Variants in RNF135 observed in about 807,000 individuals in gnomAD.
RNF135 encodes the protein ring finger protein 135.
A neutral mutation model predicts 41.9 loss-of-function variants in RNF135; 46 were observed. That is an observed-to-expected ratio of 1.10 (90% CI 0.87 to 1.40). The LOEUF is 1.40. Among genes scored for constraint, RNF135 ranks in the 40% most tolerant of loss-of-function variants. The pLI, the probability that RNF135 is intolerant of heterozygous loss-of-function variation, is 0.00. For missense variants in RNF135, 539 were observed against 549.8 expected, an observed-to-expected ratio of 0.98 and a Z score of 0.20; for synonymous variants, 238 against 223.8, an observed-to-expected ratio of 1.06 and a Z score of -0.57.
intron 3 of RNF135, among the ~76,000 whole-genome samples, chr17:30,988,755 CTT>C (rs566490842): frequency 1.6e-5 from 2 of 127,276 alleles, no homozygotes; most frequent in South Asian, 2.6e-4. Context: ...ATGTCTTCTT[CTT>C]TTTTTTTTTT....
rs754748566 is a variant in RNF135 at position 30,998,845 on chromosome 17, A to C, written c.953A>C (p.Asp318Ala). The change falls in exon 5 of 5, where the codon GAC (aspartate) becomes GCC (alanine). Residue 318 changes from aspartate to alanine, a missense_variant. Physicochemically the swap from Asp to Ala is moderately radical, Grantham distance 126. Transcript: ENST00000328381. ...TCTGGAAAGCATTACTGGGAAGTGGACACTAGGAATTGCAGCCACTGGGCA... is the reference window on the plus strand; with the variant it reads ...TCTGGAAAGCATTACTGGGAAGTGGCCACTAGGAATTGCAGCCACTGGGCA... ...LSSGKHYWEV[D>A]TRNCSHWAVG... 2 of 1,613,162 alleles carry C rather than the reference A, an allele frequency of 1.2e-6. No homozygotes were observed. Among genetic ancestry groups the C allele is most frequent in the Admixed American group, 3.3e-5 (2 of 59,894 alleles).
chr17:30,975,988 A>G (rs551296007), intron 1 of RNF135: 2 of 371,792 alleles, frequency 5.4e-6, no homozygotes, highest in South Asian at 1.2e-4. Context: ...TGTAAAAAAA[A>G]ATAAATACTA....
intron 1 of RNF135, among the ~76,000 whole-genome samples, chr17:30,981,010 G>A (rs1907097966): frequency 2.7e-5 from 4 of 146,578 alleles, no homozygotes. Context: ...GCCAAGGCAG[G>A]CGGCTGGGAG....
chr17:30,970,363 G>C (rs773590227), upstream of RNF135: 3 of 152,164 alleles, frequency 2.0e-5, no homozygotes, highest in Non-Finnish European at 4.4e-5. Flanking sequence ...TGGGAAACGC[G>C]CTTACATCCC....
chr17:30,997,569 A>G, intron 4 of RNF135: 1 of 594,562 alleles, frequency 1.7e-6, no homozygotes, highest in Non-Finnish European at 3.3e-6. Context: ...CACCAACTAC[A>G]GCCAACTGCC....
chr17:30,969,759 CTTTTTT>C (rs757330088), upstream of RNF135, among the ~76,000 whole-genome samples: 1 of 122,616 alleles, frequency 8.2e-6, no homozygotes, highest in African/African-American at 2.8e-5. Context: ...TCTTTTTTTT[CTTTTTT>C]TTTTTTTTTT....
At chr17:30,966,795 G>A (rs949533203), upstream of RNF135, among the ~76,000 whole-genome samples, 8 of 151,464 alleles carry the variant, frequency 5.3e-5, no homozygotes, top group African/African-American at 9.7e-5. Flanking sequence ...GTGAGCCACC[G>A]CGCCCGACCT....
At chr17:30,997,052 C>T (rs1378361631) in intron 3 of RNF135, among the ~76,000 whole-genome samples, 190 bp from the exon 4 acceptor site, 3 of 152,196 alleles carry the variant, frequency 2.0e-5, no homozygotes, top group Non-Finnish European at 4.4e-5. Context: ...GAAAAGTCCA[C>T]AGTGAGAACA....
At chr17:30,981,731 C>T (rs995932066) in intron 1 of RNF135, among the ~76,000 whole-genome samples, 12 of 152,188 alleles carry the variant, frequency 7.9e-5, no homozygotes, top group Non-Finnish European at 1.0e-4. Flanking sequence ...AGGACTTGGG[C>T]GTTGTGATCT....
intron 1 of RNF135, chr17:30,971,756 A>T: frequency 2.4e-6 from 3 of 1,230,716 alleles, no homozygotes; most frequent in Non-Finnish European, 3.1e-6. Flanking sequence ...GGTAAGATCT[A>T]TATAACATTA....
intron 2 of RNF135, among the ~76,000 whole-genome samples, chr17:30,985,205 G>A (rs1907502030): frequency 6.6e-6 from 1 of 152,160 alleles, no homozygotes; most frequent in Non-Finnish European, 1.5e-5. Flanking sequence ...ATTAAATGCT[G>A]GAGTTCCTCA....
the RNF135 span, among the ~76,000 whole-genome samples, chr17:30,962,617 A>G: frequency 3.3e-5 from 5 of 151,910 alleles, no homozygotes; most frequent in African/African-American, 1.2e-4. Flanking sequence ...GGCGCCTGCT[A>G]CCACGCCCGG....
At chr17:30,983,511 A>G (rs1255706735) in intron 1 of RNF135, among the ~76,000 whole-genome samples, 2 of 150,766 alleles carry the variant, frequency 1.3e-5, no homozygotes. Flanking sequence ...CTGCAACCAC[A>G]CCTGGTGAAT....
chr17:30,966,341 T>A (rs8069983), upstream of RNF135, among the ~76,000 whole-genome samples: 29,576 of 150,258 alleles, frequency 0.2, 9,102 homozygotes, highest in African/African-American at 0.66. Context: ...TGATCTTTTT[T>A]AATTTATTTT....
chr17:30,978,854 C>G (rs1220344826), intron 1 of RNF135: 2 of 138,250 alleles, frequency 1.4e-5, no homozygotes, highest in Non-Finnish European at 3.1e-5. Flanking sequence ...CAAAGCACAT[C>G]TTGCACCGCC....
At chr17:30,979,370 C>T (rs2142684221) in intron 1 of RNF135, among the ~76,000 whole-genome samples, 1 of 130,472 alleles carries the variant, frequency 7.7e-6, no homozygotes, top group South Asian at 2.6e-4. Flanking sequence ...GGGGGCTGTC[C>T]CCCCCACCTC....
upstream of RNF135, among the ~76,000 whole-genome samples, chr17:30,967,635 G>A (rs1905603786): frequency 6.6e-6 from 1 of 151,780 alleles, no homozygotes; most frequent in Admixed American, 6.6e-5. Context: ...ATATTGCTTT[G>A]GAATGTAATT....
the RNF135 span, among the ~76,000 whole-genome samples, chr17:30,965,759 T>C: frequency 7.2e-5 from 11 of 152,278 alleles, no homozygotes; most frequent in African/African-American, 2.2e-4. Flanking sequence ...TTTTTCAGTT[T>C]GGTGGGCAGG....
At chr17:30,964,318 G>A in the RNF135 span, among the ~76,000 whole-genome samples, 2 of 147,080 alleles carry the variant, frequency 1.4e-5, no homozygotes, top group African/African-American at 2.6e-5. Context: ...GAACCCGGGA[G>A]GCAAATGTTG....
Sources: allele counts gnomAD v4.1 joint callset (sites outside exome capture counted in the v4.1 genomes callset), GRCh38; gene constraint gnomAD v4.1.1; transcripts MANE v1.5; gene names NCBI Gene and HGNC (gene_info 2026-07-23, HGNC 2026-07-21).